N4BP2: variants seen among roughly 807,000 people sequenced by gnomAD.
N4BP2 encodes the protein NEDD4 binding protein 2, also known as NEDD4-binding protein 2.
A neutral mutation model predicts 152.8 loss-of-function variants in N4BP2; 91 were observed. The ratio of observed to expected loss-of-function variants is 0.60; its 90% confidence interval spans 0.50 to 0.71. The LOEUF (loss-of-function observed/expected upper bound fraction) is 0.71, where lower values mean the gene tolerates loss of function less well. Among genes scored for constraint, N4BP2 ranks in the 30% least tolerant of loss-of-function variants. N4BP2 has a pLI of 0.00. For missense variants in N4BP2, 1,923 were observed against 2,059.1 expected, an observed-to-expected ratio of 0.93 and a Z score of 1.28; for synonymous variants, 646 against 705.3, an observed-to-expected ratio of 0.92 and a Z score of 1.33.
chr4:40,081,063 A>G (rs1260532528), intron 2 of N4BP2, among the ~76,000 whole-genome samples: 1 of 151,766 alleles, frequency 6.6e-6, no homozygotes, highest in African/African-American at 2.4e-5. Flanking sequence ...AAAAAAGGGA[A>G]TGGAAGGGAT....
chr4:40,086,557 C>G (rs1039902977), intron 2 of N4BP2, among the ~76,000 whole-genome samples: 1 of 151,644 alleles, frequency 6.6e-6, no homozygotes, highest in African/African-American at 2.4e-5. Context: ...AGGCTGGTTT[C>G]GAATGCCTGA....
At chr4:40,090,088 T>TA (rs1435218478) in intron 2 of N4BP2, among the ~76,000 whole-genome samples, 1 of 152,174 alleles carries the variant, frequency 6.6e-6, no homozygotes, top group Non-Finnish European at 1.5e-5. Flanking sequence ...CAGGCACACT[T>TA]ATGTTGCTGG....
intron 14 of N4BP2, among the ~76,000 whole-genome samples, chr4:40,140,731 CTGCGGCCTTCCGCAG>C (rs1719843020): frequency 6.6e-6 from 1 of 151,854 alleles, no homozygotes; most frequent in Admixed American, 6.6e-5. Context: ...GCAGAGGACC[CTGCGGCCTTCCGCAG>C]TGTTTGTGTC....
At chr4:40,162,004 T>A (rs766273543), downstream of N4BP2, among the ~76,000 whole-genome samples, 12 of 152,174 alleles carry the variant, frequency 7.9e-5, no homozygotes, top group Non-Finnish European at 1.3e-4. Flanking sequence ...CAGAAAAGTG[T>A]TGTAGAAATA....
At chr4:40,091,005 G>GTT (rs34245436) in intron 2 of N4BP2, among the ~76,000 whole-genome samples, 2,875 of 121,434 alleles carry the variant, frequency 0.024, 110 homozygotes, top group South Asian at 0.13. Context: ...GTATTTCTCT[G>GTT]TTTTTTTTTT....
chr4:40,077,895 T>C (rs1012375766), intron 2 of N4BP2: 1 of 152,168 alleles, frequency 6.6e-6, no homozygotes, highest in Non-Finnish European at 1.5e-5. Flanking sequence ...TGCAGCACAT[T>C]TCCTAAAATT....
chr4:40,133,428 C>T (rs180909428), intron 13 of N4BP2, among the ~76,000 whole-genome samples: 38 of 151,240 alleles, frequency 2.5e-4, no homozygotes, highest in South Asian at 8.4e-4. Context: ...CTCCGCCTCC[C>T]GGGTTCAAGT....
At chr4:40,113,351 A>G (rs1463692476) in intron 6 of N4BP2, 81 bp from the exon 7 acceptor site, 3 of 1,031,048 alleles carry the variant, frequency 2.9e-6, no homozygotes, top group Non-Finnish European at 4.5e-6. Flanking sequence ...TTTACGTTTT[A>G]CATGCTATAT....
intron 7 of N4BP2, among the ~76,000 whole-genome samples, chr4:40,115,511 T>A (rs1717260512): frequency 6.6e-6 from 1 of 152,132 alleles, no homozygotes; most frequent in African/African-American, 2.4e-5. Flanking sequence ...AAAATAAAAT[T>A]TTCATATGTA....
In N4BP2 at chr4:40,130,620, A is replaced by G. The variant is rs111590962; in HGVS notation, c.4528-1181A>G. On this transcript the variant is annotated intron_variant, in intron 12 of 17. Transcript: ENST00000261435. ...AGCCTTGACCTCCTGGGCTCAAGCC[A>G]TCCTCCCACCTCAGCTGGGACTCTT... Among the ~76,000 whole-genome samples the G allele has an allele frequency of 6.0e-3, 914 of 152,216 alleles. 9 individuals are homozygous for G. Among genetic ancestry groups the G allele is most frequent in the African/African-American group, 0.021 (871 of 41,520 alleles).
At chr4:40,175,387 A>T in the N4BP2 span, among the ~76,000 whole-genome samples, 2 of 151,560 alleles carry the variant, frequency 1.3e-5, no homozygotes, top group Non-Finnish European at 2.9e-5. Flanking sequence ...AATAGTGATT[A>T]CCTGGGGCAG....
At position 40,120,956 on chromosome 4, in the gene N4BP2, T is replaced by C; in HGVS notation, c.2845T>C (p.Ser949Pro). Residue 949 changes from serine to proline, a missense_variant, in exon 9 of 18, where the codon TCT (serine) becomes CCT (proline). Transcript: ENST00000261435. ...KTLGSSNLGS[S>P]EMLLSEMTCE... is the part of the protein sequence containing the mutation. Reference sequence around the variant, plus strand: ...ATTGGGTAGCTCCAATCTAGGAAGTTCTGAAATGCTGCTCAGTGAAATGAC... The same window carrying C: ...ATTGGGTAGCTCCAATCTAGGAAGTCCTGAAATGCTGCTCAGTGAAATGAC... 3 of 1,614,166 alleles carry C rather than the reference T, an allele frequency of 1.9e-6. No individual in the cohort carries two copies. Among genetic ancestry groups the C allele is most frequent in the Non-Finnish European group, 2.5e-6 (3 of 1,180,022 alleles).
chr4:40,174,781 G>A, the N4BP2 span, among the ~76,000 whole-genome samples: 2 of 152,044 alleles, frequency 1.3e-5, no homozygotes, highest in South Asian at 2.1e-4. Context: ...CAGTCTGGGC[G>A]ACAGAGTGAG....
At chr4:40,105,929 C>T (rs1716231627) in intron 4 of N4BP2, among the ~76,000 whole-genome samples, 1 of 152,064 alleles carries the variant, frequency 6.6e-6, no homozygotes, top group South Asian at 2.1e-4. Flanking sequence ...GGGAAAGCTA[C>T]AAAGAGAAGA....
intron 2 of N4BP2, among the ~76,000 whole-genome samples, chr4:40,092,170 T>TA (rs1714669985): frequency 6.7e-6 from 1 of 149,572 alleles, no homozygotes; most frequent in African/African-American, 2.4e-5. Flanking sequence ...ACTAGCATCA[T>TA]AAAATGGATT....
chr4:40,060,456 G>T (rs892805695), intron 1 of N4BP2, among the ~76,000 whole-genome samples: 6 of 152,012 alleles, frequency 3.9e-5, no homozygotes, highest in African/African-American at 1.5e-4. Context: ...TGTTGGTCAG[G>T]CTGGTCGTGA....
At chr4:40,178,205 GGAT>G in the N4BP2 span, among the ~76,000 whole-genome samples, 2 of 151,838 alleles carry the variant, frequency 1.3e-5, no homozygotes, top group Non-Finnish European at 2.9e-5. Context: ...CAAAACAGGA[GGAT>G]GAATTCTTTG....
intron 14 of N4BP2, among the ~76,000 whole-genome samples, chr4:40,140,743 G>A (rs28447121): frequency 9.2e-4 from 140 of 151,766 alleles, no homozygotes; most frequent in Admixed American, 2.2e-3. Context: ...GCGGCCTTCC[G>A]CAGTGTTTGT....
the N4BP2 span, among the ~76,000 whole-genome samples, chr4:40,176,330 T>C: frequency 6.6e-6 from 1 of 152,174 alleles, no homozygotes; most frequent in African/African-American, 2.4e-5. Context: ...CATAATTTAT[T>C]TTCCTGTTGT....
Sources: gnomAD v4.1 joint callset for allele counts (sites outside exome capture counted in the v4.1 genomes callset) on GRCh38, gnomAD v4.1.1 for gene constraint, MANE v1.5 for transcripts, NCBI Gene and HGNC (gene_info 2026-07-23, HGNC 2026-07-21) for gene names.